The following DOCK3 variants were observed in gnomAD, a reference collection of about 807,000 sequenced individuals.
The protein encoded by DOCK3 is dedicator of cytokinesis protein 3.
DOCK3 carries 60 observed loss-of-function variants against 265.6 expected under a neutral mutation model. The observed-to-expected ratio is 0.23, with a 90% CI of 0.18 to 0.28. The LOEUF (loss-of-function observed/expected upper bound fraction) is 0.28, where lower values mean the gene tolerates loss of function less well. DOCK3 is among the 10% of genes least tolerant of loss of function. The pLI is 1.00. For missense variants in DOCK3, 1,981 were observed against 2,594.3 expected, an observed-to-expected ratio of 0.76 and a Z score of 5.14; for synonymous variants, 881 against 938.0, an observed-to-expected ratio of 0.94 and a Z score of 1.11.
chr3:51,248,356 C>G (rs1483051269), intron 22 of DOCK3, among the ~76,000 whole-genome samples: 2 of 152,256 alleles, frequency 1.3e-5, no homozygotes, highest in Admixed American at 6.5e-5. Flanking sequence ...CCACGCCTGA[C>G]TGGTTTTCGT....
chr3:50,914,050 CTTATT>C lies in DOCK3; in HGVS notation c.219-19909_219-19905del, dbSNP rs57972779. Among the ~76,000 whole-genome samples, 53 of 150,680 alleles carry C rather than the reference CTTATT, an allele frequency of 3.5e-4. 1 individual carries two copies. Among genetic ancestry groups the C allele is most frequent in the African/African-American group, 1.2e-3 (50 of 41,110 alleles). On this transcript the variant is annotated intron_variant, in intron 4 of 52. Transcript: ENST00000266037. Reference sequence around the variant, plus strand: ...GCTTTGTCCTCCCTGTATTGTCTCTCTTATTTTATTTTATTTTATTTTATTTATTT... The same window carrying C: ...GCTTTGTCCTCCCTGTATTGTCTCTCTTATTTTATTTTATTTTATTTATTT...
chr3:50,722,292 C>T (rs574092299), intron 1 of DOCK3, among the ~76,000 whole-genome samples: 12 of 152,156 alleles, frequency 7.9e-5, no homozygotes, highest in Admixed American at 3.3e-4. Flanking sequence ...GAGAGAGAGA[C>T]AAAGAGAAAG....
intron 1 of DOCK3, among the ~76,000 whole-genome samples, chr3:50,728,494 G>A (rs909682169): frequency 2.0e-5 from 3 of 152,098 alleles, no homozygotes; most frequent in African/African-American, 4.8e-5. Flanking sequence ...AGACAGATTA[G>A]AGAAAATAAG....
intron 4 of DOCK3, among the ~76,000 whole-genome samples, chr3:50,903,373 G>T (rs2049304445): frequency 6.6e-6 from 1 of 152,188 alleles, no homozygotes; most frequent in Admixed American, 6.5e-5. Context: ...TTTTTAACAT[G>T]AAGGGATGTT....
intron 1 of DOCK3, among the ~76,000 whole-genome samples, chr3:50,684,418 T>C (rs1373244506): frequency 1.3e-5 from 2 of 152,244 alleles, no homozygotes; most frequent in Non-Finnish European, 2.9e-5. Context: ...AAAGGCAGGC[T>C]GTAAACCTAA....
chr3:50,703,156 A>G (rs1447897776), intron 1 of DOCK3, among the ~76,000 whole-genome samples: 1 of 152,052 alleles, frequency 6.6e-6, no homozygotes, highest in African/African-American at 2.4e-5. Flanking sequence ...ATTGACTTGC[A>G]TATGTTGAAC....
rs2108990433 is a variant in DOCK3, at chr3:51,280,210, C to T, written c.2922+6C>T. ...AGAGCAAAGATGAACTCAAGGTAGG[C>T]AGTAGAACACCTTTCCTCTGGGAGA... On this transcript the variant is annotated splice_donor_region_variant and intron_variant, in intron 27 of 52. Coordinates refer to ENST00000266037, the MANE Select transcript of DOCK3 (RefSeq NM_004947.5). The T allele has an allele frequency of 6.2e-7, 1 of 1,612,034 alleles. No homozygotes were observed. The highest frequency in any genetic ancestry group is 8.5e-7 in the Non-Finnish European group (1 of 1,178,840).
chr3:51,266,265 A>G (rs2080159757), intron 23 of DOCK3, among the ~76,000 whole-genome samples: 1 of 152,198 alleles, frequency 6.6e-6, no homozygotes, highest in Admixed American at 6.5e-5. Context: ...AAAGTAATTT[A>G]TAGAGTCAAT....
chr3:50,844,100 A>G lies in DOCK3; in HGVS notation c.162+2385A>G, dbSNP rs191800269. 3.3e-3 allele frequency among the ~76,000 whole-genome samples: 506 copies of G among 152,368 alleles called. 1 individual carries two copies. Among genetic ancestry groups the G allele is most frequent in the African/African-American group, 0.012 (484 of 41,590 alleles). On this transcript the variant is annotated intron_variant, in intron 3 of 52. Transcript: ENST00000266037. ...GATATTAGTGGTTAAAGGAAAAAATAAAGATGACTTATTAAAGTTTGTCTT... is the reference window on the plus strand; with the variant it reads ...GATATTAGTGGTTAAAGGAAAAAATGAAGATGACTTATTAAAGTTTGTCTT...
At chr3:51,166,243 G>T (rs537010797) in intron 12 of DOCK3, among the ~76,000 whole-genome samples, 34 of 151,894 alleles carry the variant, frequency 2.2e-4, no homozygotes, top group African/African-American at 7.7e-4. Flanking sequence ...TAGAGATGAG[G>T]TTTCACCATG....
chr3:50,741,848 A>G (rs1000462639), intron 1 of DOCK3, among the ~76,000 whole-genome samples: 1 of 152,228 alleles, frequency 6.6e-6, no homozygotes, highest in Non-Finnish European at 1.5e-5. Flanking sequence ...AGGAATCACC[A>G]CATTGACTTC....
intron 1 of DOCK3, among the ~76,000 whole-genome samples, chr3:50,762,481 A>G (rs2040594158): frequency 6.6e-6 from 1 of 152,198 alleles, no homozygotes; most frequent in Non-Finnish European, 1.5e-5. Context: ...GTCTGAAATT[A>G]AGAGAGATAG....
intron 5 of DOCK3, among the ~76,000 whole-genome samples, chr3:51,043,422 T>C (rs1559981187): frequency 1.3e-5 from 2 of 152,154 alleles, no homozygotes. Flanking sequence ...TTATACCATA[T>C]TCAAAAATTA....
chr3:51,230,422 A>G (rs2090495723), intron 19 of DOCK3, among the ~76,000 whole-genome samples: 1 of 152,162 alleles, frequency 6.6e-6, no homozygotes, highest in Admixed American at 6.5e-5. Context: ...CTCCAGCTGC[A>G]TCCATGTTGC....
chr3:50,841,637 A>T (rs773424903), intron 2 of DOCK3, 38 bp from the exon 3 acceptor site: 9 of 1,037,382 alleles, frequency 8.7e-6, no homozygotes, highest in Non-Finnish European at 1.1e-5. Context: ...ATTGAACATG[A>T]CATTGTGATT....
chr3:51,141,063 T>G (rs1263168688), intron 9 of DOCK3, among the ~76,000 whole-genome samples: 1 of 151,186 alleles, frequency 6.6e-6, no homozygotes, highest in Non-Finnish European at 1.5e-5. Flanking sequence ...TGGTGTCTTT[T>G]GATGCACAAT....
At chr3:51,006,896 A>G (rs1432181939) in intron 5 of DOCK3, among the ~76,000 whole-genome samples, 1 of 152,150 alleles carries the variant, frequency 6.6e-6, no homozygotes, top group South Asian at 2.1e-4. Context: ...TCCTTGCGAT[A>G]GTTTGCTGAG....
Position 51,186,689 on chromosome 3 carries a change from A to T in DOCK3, c.1038-22085A>T, listed in dbSNP as rs116251975. On this transcript the variant is annotated intron_variant, in intron 12 of 52. Coordinates refer to ENST00000266037, the MANE Select transcript of DOCK3 (RefSeq NM_004947.5). ...ACACTGTGTGCAGCCTAGGGCACCT[A>T]GCCTTGGTGCCCTGCATCTCAGCTG... Among the ~76,000 whole-genome samples the T allele has an allele frequency of 2.7e-3, 415 of 152,288 alleles. 1 individual carries two copies. The highest frequency in any genetic ancestry group is 9.6e-3 in the African/African-American group (398 of 41,568).
At chr3:51,296,113 T>TA (rs1361400295) in intron 27 of DOCK3, among the ~76,000 whole-genome samples, 3 of 152,330 alleles carry the variant, frequency 2.0e-5, no homozygotes, top group African/African-American at 7.2e-5. Context: ...TATCAAAAGT[T>TA]ACAAACAAGT....
Sources: gnomAD v4.1 joint callset for allele counts (sites outside exome capture counted in the v4.1 genomes callset) on GRCh38, gnomAD v4.1.1 for gene constraint, MANE v1.5 for transcripts, NCBI Gene and HGNC (gene_info 2026-07-23, HGNC 2026-07-21) for gene names.